Variants in KCNMB2 observed in about 807,000 individuals in gnomAD.
KCNMB2 encodes the protein calcium-activated potassium channel subunit beta-2.
KCNMB2 carries 9 observed loss-of-function variants against 24.5 expected under a neutral mutation model. The observed-to-expected ratio is 0.37, with a 90% CI of 0.22 to 0.64. KCNMB2 has a LOEUF of 0.64. KCNMB2 is among the 30% of genes least tolerant of loss of function. KCNMB2 has a pLI of 0.63. For missense variants in KCNMB2, 226 were observed against 284.3 expected, an observed-to-expected ratio of 0.79 and a Z score of 1.47; for synonymous variants, 109 against 104.4, an observed-to-expected ratio of 1.04 and a Z score of -0.27.
intron 1 of KCNMB2, among the ~76,000 whole-genome samples, chr3:178,697,603 C>T (rs1416183784): frequency 6.6e-6 from 1 of 152,136 alleles, no homozygotes; most frequent in African/African-American, 2.4e-5. Context: ...AGCCCATTTA[C>T]ACTTAAGGTT....
intron 1 of KCNMB2, among the ~76,000 whole-genome samples, chr3:178,589,391 G>T (rs1033141100): frequency 6.6e-6 from 1 of 152,144 alleles, no homozygotes; most frequent in African/African-American, 2.4e-5. Flanking sequence ...CAATTATGGT[G>T]TCTCAGAAAT....
chr3:178,634,023 C>G (rs1410363261), intron 1 of KCNMB2, among the ~76,000 whole-genome samples: 1 of 152,176 alleles, frequency 6.6e-6, no homozygotes, highest in Admixed American at 6.5e-5. Flanking sequence ...TCTGAGACTA[C>G]CTTGGCCTGG....
intron 1 of KCNMB2, chr3:178,757,284 C>A (rs1409518220): frequency 8.8e-5 from 9 of 102,798 alleles, no homozygotes; most frequent in African/African-American, 2.8e-4. Flanking sequence ...ATACATATAT[C>A]CAAGAGGATA....
intron 1 of KCNMB2, among the ~76,000 whole-genome samples, chr3:178,721,037 G>A (rs1175955343): frequency 6.6e-6 from 1 of 152,094 alleles, no homozygotes; most frequent in Non-Finnish European, 1.5e-5. Context: ...TTTTAGACAT[G>A]AAGTCCTTGC....
At chr3:178,596,479 A>T (rs1466672580) in intron 1 of KCNMB2, among the ~76,000 whole-genome samples, 3 of 152,144 alleles carry the variant, frequency 2.0e-5, no homozygotes, top group African/African-American at 7.2e-5. Flanking sequence ...CTCAATGAAC[A>T]TATAAATCCA....
intron 1 of KCNMB2, among the ~76,000 whole-genome samples, chr3:178,573,869 G>T (rs1380085085): frequency 6.6e-6 from 1 of 151,896 alleles, no homozygotes; most frequent in Admixed American, 6.6e-5. Flanking sequence ...AAAATGTAAG[G>T]CATTCACTCA....
chr3:178,842,614 ATAGTATCTTC>A (rs1436140984), intron 4 of KCNMB2, 29 bp from the exon 5 acceptor site: 3 of 1,393,484 alleles, frequency 2.2e-6, no homozygotes, highest in Non-Finnish European at 3.0e-6. Flanking sequence ...TCAAACACAC[ATAGTATCTTC>A]TAGTAACAGT....
At chr3:178,557,304 G>A (rs1395458509) in intron 1 of KCNMB2, among the ~76,000 whole-genome samples, 1 of 152,126 alleles carries the variant, frequency 6.6e-6, no homozygotes, top group East Asian at 1.9e-4. Context: ...GGATGACAAA[G>A]GCTCTCTTTT....
intron 1 of KCNMB2, among the ~76,000 whole-genome samples, chr3:178,593,454 T>C (rs1045280471): frequency 4.6e-5 from 7 of 152,128 alleles, no homozygotes; most frequent in Admixed American, 1.3e-4. Flanking sequence ...ATGATTTGAC[T>C]TTTATGAGTC....
intron 1 of KCNMB2, among the ~76,000 whole-genome samples, chr3:178,604,068 T>C (rs1354262496): frequency 1.3e-5 from 2 of 152,158 alleles, no homozygotes; most frequent in Non-Finnish European, 2.9e-5. Context: ...GGGCATCCTG[T>C]TTCTGATCTT....
chr3:178,805,796 A>T (rs1713944085), intron 1 of KCNMB2, among the ~76,000 whole-genome samples: 1 of 151,622 alleles, frequency 6.6e-6, no homozygotes, highest in Admixed American at 6.6e-5. Flanking sequence ...CACGTGGCTA[A>T]TTTTTTTTAT....
chr3:178,802,695 C>G (rs1236789253), intron 1 of KCNMB2, among the ~76,000 whole-genome samples: 1 of 152,082 alleles, frequency 6.6e-6, no homozygotes, highest in African/African-American at 2.4e-5. Flanking sequence ...ATCCAGGCAC[C>G]AGTATTTTTT....
chr3:178,738,424 C>T lies in KCNMB2; in HGVS notation c.-67-68919C>T, dbSNP rs73051648. Among the ~76,000 whole-genome samples the T allele has an allele frequency of 3.7e-3, 570 of 152,250 alleles. 4 individuals are homozygous for T. The highest frequency in any genetic ancestry group is 0.013 in the African/African-American group (543 of 41,544). ...CCTTGCTTAAAACTATTACTAACTC[C>T]ACACTGTTTTCAGAATACTACCAAA... On this transcript the variant is annotated intron_variant, in intron 1 of 4. Coordinates refer to ENST00000452583, the MANE Select transcript of KCNMB2 (RefSeq NM_181361.3).
intron 1 of KCNMB2, among the ~76,000 whole-genome samples, chr3:178,698,836 G>A (rs536365060): frequency 2.6e-4 from 39 of 152,270 alleles, no homozygotes; most frequent in African/African-American, 8.9e-4. Context: ...TGTGGTATAA[G>A]GTGGATTCAG....
chr3:178,664,795 A>G (rs540020327), intron 1 of KCNMB2, among the ~76,000 whole-genome samples: 3 of 152,252 alleles, frequency 2.0e-5, no homozygotes, highest in African/African-American at 7.2e-5. Context: ...TAAAGAAAAT[A>G]AAAAAGTAGC....
intron 1 of KCNMB2, among the ~76,000 whole-genome samples, chr3:178,565,104 A>C (rs1324243552): frequency 6.6e-6 from 1 of 152,212 alleles, no homozygotes; most frequent in Non-Finnish European, 1.5e-5. Context: ...AAGTATATAT[A>C]CATCTGTATG....
chr3:178,750,880 T>G (rs752411895), intron 1 of KCNMB2, among the ~76,000 whole-genome samples: 1 of 152,222 alleles, frequency 6.6e-6, no homozygotes. Flanking sequence ...TCCTGCTTCA[T>G]GTAATGCTCA....
intron 1 of KCNMB2, among the ~76,000 whole-genome samples, chr3:178,553,493 G>A (rs1404373937): frequency 6.6e-6 from 1 of 150,726 alleles, no homozygotes; most frequent in Non-Finnish European, 1.5e-5. Context: ...GCTGAGGAAT[G>A]TCACTCAGCA....
At chr3:178,614,248 T>C (rs1386073884) in intron 1 of KCNMB2, among the ~76,000 whole-genome samples, 6 of 3,114 alleles carry the variant, frequency 1.9e-3, no homozygotes, top group African/African-American at 7.7e-3. Flanking sequence ...GGGCTAATTT[T>C]ATATATATAT....
Sources: allele counts gnomAD v4.1 joint callset (sites outside exome capture counted in the v4.1 genomes callset), GRCh38; gene constraint gnomAD v4.1.1; transcripts MANE v1.5; gene names NCBI Gene and HGNC (gene_info 2026-07-23, HGNC 2026-07-21).